Variants in MAP3K19 observed in about 807,000 individuals in gnomAD.
MAP3K19 encodes the protein mitogen-activated protein kinase kinase kinase 19.
A neutral mutation model predicts 114.4 loss-of-function variants in MAP3K19; 91 were observed. That is an observed-to-expected ratio of 0.80 (90% CI 0.67 to 0.95). The LOEUF (loss-of-function observed/expected upper bound fraction) is 0.95. Ranked by LOEUF, MAP3K19 falls within the 40% of genes least tolerant of loss-of-function variation. The pLI, the probability that MAP3K19 is intolerant of heterozygous loss-of-function variation, is 0.00. For synonymous variants in MAP3K19, 518 were observed against 530.5 expected (o/e 0.98, Z 0.32); for missense variants, 1,471 against 1,573.2 (o/e 0.94, Z 1.10).
At position 135,024,665 on chromosome 2, in the gene MAP3K19, G is replaced by T; in HGVS notation, c.-18C>A. On this transcript the variant is annotated 5_prime_UTR_variant, in exon 4 of 13. Transcript: ENST00000392915. ...GAACTCATTAAAATGTCCAAAAGCT[G>T]CTGTTTCTTTGAACTCTCTATTTGT... 6.2e-7 allele frequency: 1 copy of T among 1,611,862 alleles called. No homozygotes were observed. The highest frequency in any genetic ancestry group is 8.5e-7 in the Non-Finnish European group (1 of 1,178,218).
Position 134,986,422 on chromosome 2 carries a change from T to G in MAP3K19, c.2450A>C (p.Glu817Ala). The G allele has an allele frequency of 6.2e-7, 1 of 1,613,996 alleles. No individual in the cohort carries two copies. The highest frequency in any genetic ancestry group is 8.5e-7 in the Non-Finnish European group (1 of 1,180,030). The change falls in exon 10 of 13, where the codon GAG (glutamate) becomes GCG (alanine). Residue 817 changes from glutamate to alanine, a missense_variant. Glu to Ala is a moderately radical substitution (Grantham distance 107, BLOSUM62 -1). Transcript: ENST00000392915. ...AGAAATGTCTCTATCACCAGTAGAC[T>G]CTTCCATAGAAACTTCTTCAACAAT... is the stretch of plus-strand genomic sequence containing the variant. Reference protein sequence around the residue: ...LSIVEEVSMEESTGDRDISNN... With the variant: ...LSIVEEVSMEASTGDRDISNN...
chr2:134,997,820 A>AAAAAAAAAAAAAAAAAAAAAC (rs61650738), intron 8 of MAP3K19, among the ~76,000 whole-genome samples: 1 of 148,418 alleles, frequency 6.7e-6, no homozygotes, highest in African/African-American at 2.5e-5. Flanking sequence ...TCCGTCTCAA[A>AAAAAAAAAAAAAAAAAAAAAC]AAAAAAAAAA....
At chr2:135,014,091 A>AT (rs1687419548) in intron 5 of MAP3K19, among the ~76,000 whole-genome samples, 1 of 152,176 alleles carries the variant, frequency 6.6e-6, no homozygotes, top group East Asian at 1.9e-4. Flanking sequence ...AGTGGTTCAC[A>AT]TCTGTAATCC....
intron 3 of MAP3K19, among the ~76,000 whole-genome samples, chr2:135,027,198 T>C (rs1170820100): frequency 1.3e-5 from 2 of 150,842 alleles, no homozygotes; most frequent in Admixed American, 6.6e-5. Context: ...TGAGCTATGA[T>C]TGCATCACTG....
chr2:134,969,595 C>T (rs1398064567), intron 12 of MAP3K19, among the ~76,000 whole-genome samples: 1 of 152,092 alleles, frequency 6.6e-6, no homozygotes, highest in African/African-American at 2.4e-5. Context: ...TATTTTCTCC[C>T]ATTCAACAGG....
chr2:135,023,478 C>G, intron 4 of MAP3K19: 1 of 533,466 alleles, frequency 1.9e-6, no homozygotes. Context: ...TCCTTTCCCA[C>G]AAGCCCAGTC....
intron 9 of MAP3K19, among the ~76,000 whole-genome samples, chr2:134,990,467 T>C (rs1350932527): frequency 6.6e-6 from 1 of 151,922 alleles, no homozygotes; most frequent in East Asian, 1.9e-4. Context: ...TTTGTTTTTT[T>C]TTTTTGTTTG....
chr2:135,015,797 G>A (rs1687548057), intron 5 of MAP3K19, among the ~76,000 whole-genome samples: 1 of 151,928 alleles, frequency 6.6e-6, no homozygotes, highest in East Asian at 1.9e-4. Flanking sequence ...GGAGGCGGAG[G>A]CAGGAGAATC....
At chr2:135,026,495 C>T (rs940984097) in intron 3 of MAP3K19, among the ~76,000 whole-genome samples, 4 of 142,370 alleles carry the variant, frequency 2.8e-5, no homozygotes, top group African/African-American at 1.1e-4. Context: ...TCTTGAAGCT[C>T]CCTCCTCCTT....
chr2:134,975,406 C>T (rs1684167120), intron 12 of MAP3K19, among the ~76,000 whole-genome samples: 1 of 152,120 alleles, frequency 6.6e-6, no homozygotes, highest in South Asian at 2.1e-4. Context: ...AGTGATAGGG[C>T]AGAGAATCCC....
chr2:134,973,849 C>T (rs1337506393), intron 12 of MAP3K19, among the ~76,000 whole-genome samples: 3 of 152,136 alleles, frequency 2.0e-5, no homozygotes, highest in African/African-American at 7.2e-5. Flanking sequence ...CTTTCTTAAG[C>T]ATTTCTTGTA....
At chr2:134,968,504 C>T (rs1287866309) in intron 12 of MAP3K19, among the ~76,000 whole-genome samples, 4 of 149,188 alleles carry the variant, frequency 2.7e-5, no homozygotes, top group African/African-American at 1.0e-4. Flanking sequence ...CCCCCACCTC[C>T]CTCCCGGACG....
At chr2:134,981,880 CTTTTTT>C (rs567597251) in intron 11 of MAP3K19, among the ~76,000 whole-genome samples, 3 of 124,508 alleles carry the variant, frequency 2.4e-5, no homozygotes, top group Non-Finnish European at 3.3e-5. Context: ...GATTTCTTTT[CTTTTTT>C]TTTTTTTTTT....
chr2:135,034,609 C>A (rs1005710071), intron 2 of MAP3K19, among the ~76,000 whole-genome samples: 3 of 132,730 alleles, frequency 2.3e-5, no homozygotes, highest in Non-Finnish European at 4.6e-5. Flanking sequence ...AGCTGGAGAC[C>A]AGCCCGGCCA....
intron 12 of MAP3K19, among the ~76,000 whole-genome samples, chr2:134,965,275 G>A (rs990715631): frequency 1.2e-4 from 18 of 152,130 alleles, no homozygotes; most frequent in African/African-American, 9.7e-5. Context: ...TCTAATTTAC[G>A]TATGGTAAAA....
intron 12 of MAP3K19, among the ~76,000 whole-genome samples, chr2:134,978,066 C>A (rs1684372395): frequency 6.6e-6 from 1 of 152,164 alleles, no homozygotes; most frequent in Non-Finnish European, 1.5e-5. Flanking sequence ...CCTCCCTTCC[C>A]TTCTCCAGTT....
chr2:135,004,681 C>G (rs746605939), intron 6 of MAP3K19, among the ~76,000 whole-genome samples: 7 of 152,358 alleles, frequency 4.6e-5, no homozygotes, highest in Non-Finnish European at 7.3e-5. Context: ...AGGCGAGAAT[C>G]TGCAAATACC....
intron 12 of MAP3K19, among the ~76,000 whole-genome samples, chr2:134,967,224 CCT>C (rs1454654851): frequency 6.6e-6 from 1 of 152,172 alleles, no homozygotes; most frequent in East Asian, 1.9e-4. Flanking sequence ...CTGTGGAAAG[CCT>C]CAGGGAGCTC....
At chr2:134,996,695 A>G (rs1045362002) in intron 8 of MAP3K19, among the ~76,000 whole-genome samples, 1 of 152,182 alleles carries the variant, frequency 6.6e-6, no homozygotes, top group South Asian at 2.1e-4. Flanking sequence ...TAGTGTGCTA[A>G]AGTTTATCAT....
Sources: gnomAD v4.1 joint callset for allele counts (sites outside exome capture counted in the v4.1 genomes callset) on GRCh38, gnomAD v4.1.1 for gene constraint, MANE v1.5 for transcripts, NCBI Gene and HGNC (gene_info 2026-07-23, HGNC 2026-07-21) for gene names.